The following IMMP2L variants were observed in gnomAD, a reference collection of about 807,000 sequenced individuals.
The protein encoded by IMMP2L is inner mitochondrial membrane peptidase subunit 2, also known as mitochondrial inner membrane protease subunit 2.
IMMP2L carries 18 observed loss-of-function variants against 19.3 expected under a neutral mutation model. The ratio of observed to expected loss-of-function variants is 0.93; its 90% CI spans 0.64 to 1.38. IMMP2L has a LOEUF of 1.38. Ranked by LOEUF, IMMP2L falls within the 40% of genes most tolerant of loss-of-function variation. The probability of loss-of-function intolerance (pLI) is 0.00; values close to 1 mark genes in which losing one functional copy is unlikely to be tolerated. For missense variants in IMMP2L, 233 were observed against 218.2 expected, an observed-to-expected ratio of 1.07 and a Z score of -0.43; for synonymous variants, 76 against 73.0, an observed-to-expected ratio of 1.04 and a Z score of -0.21.
chr7:110,948,139 T>C (rs1221113167), intron 4 of IMMP2L, among the ~76,000 whole-genome samples: 4 of 152,220 alleles, frequency 2.6e-5, no homozygotes, highest in Non-Finnish European at 5.9e-5. Context: ...CCATTCAGAC[T>C]CTCATGCAAG....
At chr7:111,095,144 A>C (rs978530146) in intron 3 of IMMP2L, among the ~76,000 whole-genome samples, 21 of 152,160 alleles carry the variant, frequency 1.4e-4, no homozygotes, top group African/African-American at 4.1e-4. Flanking sequence ...GAGACGGGGA[A>C]TAAAGAGGGG....
At chr7:110,776,291 A>C (rs1014342440) in intron 5 of IMMP2L, among the ~76,000 whole-genome samples, 1 of 152,062 alleles carries the variant, frequency 6.6e-6, no homozygotes, top group Non-Finnish European at 1.5e-5. Flanking sequence ...AATTCGCGTA[A>C]GTAATGTTAA....
chr7:111,392,434 T>C (rs781490042), intron 3 of IMMP2L, among the ~76,000 whole-genome samples: 35 of 152,152 alleles, frequency 2.3e-4, no homozygotes, highest in Non-Finnish European at 3.7e-4. Flanking sequence ...CTGAACACAC[T>C]TCCCATCAAC....
At chr7:111,418,542 T>C (rs1193042177) in intron 3 of IMMP2L, among the ~76,000 whole-genome samples, 1 of 151,790 alleles carries the variant, frequency 6.6e-6, no homozygotes, top group African/African-American at 2.4e-5. Context: ...CACACCTCAC[T>C]AGCACTAATA....
chr7:110,861,258 A>G (rs557638188), intron 5 of IMMP2L, among the ~76,000 whole-genome samples: 44 of 152,208 alleles, frequency 2.9e-4, no homozygotes, highest in Non-Finnish European at 5.6e-4. Context: ...TTCCATTAAT[A>G]TAATGCTTTT....
chr7:110,690,306 T>G (rs557042040), intron 5 of IMMP2L, among the ~76,000 whole-genome samples: 71 of 152,326 alleles, frequency 4.7e-4, no homozygotes, highest in African/African-American at 1.6e-3. Flanking sequence ...TTGTATTTTG[T>G]TCAGCATTTT....
rs1819124237 is a variant in IMMP2L, at chr7:110,962,962, T to C, written c.305+538A>G. ...CAATTGTTCTTGATTTATCAGCAAGTACAATAAATACGACATTACTAAAGG... is the reference window on the plus strand; with the variant it reads ...CAATTGTTCTTGATTTATCAGCAAGCACAATAAATACGACATTACTAAAGG... On this transcript the variant is annotated intron_variant, in intron 4 of 5. Transcript: ENST00000405709. The C allele has an allele frequency of 3.4e-6, 5 of 1,455,788 alleles. No homozygotes were observed. In the East Asian group the frequency reaches 1.0e-4, roughly 29 times the overall value. 90.2% of individuals were successfully genotyped at this position (1,455,788 alleles called of 1,614,324 possible).
intron 3 of IMMP2L, among the ~76,000 whole-genome samples, chr7:111,259,109 G>T (rs1457047360): frequency 6.6e-6 from 1 of 152,066 alleles, no homozygotes; most frequent in Non-Finnish European, 1.5e-5. Flanking sequence ...TATCTAACAT[G>T]TCTAAACATA....
intron 4 of IMMP2L, among the ~76,000 whole-genome samples, chr7:110,929,140 A>C (rs1815199396): frequency 6.6e-6 from 1 of 152,124 alleles, no homozygotes; most frequent in Non-Finnish European, 1.5e-5. Context: ...TAAAGATGAG[A>C]CTTAAGTGTA....
intron 2 of IMMP2L, among the ~76,000 whole-genome samples, chr7:111,493,214 T>C (rs1254384839): frequency 1.3e-5 from 2 of 152,174 alleles, no homozygotes; most frequent in East Asian, 1.9e-4. Context: ...AATAGTTGAA[T>C]AGGGCTTTGT....
In IMMP2L at chr7:110,758,972, T is replaced by G. The variant is rs1429849824; in HGVS notation, c.409-95251A>C. Among the ~76,000 whole-genome samples the G allele has an allele frequency of 6.6e-6, 1 of 151,436 alleles. No individual in the cohort carries two copies. Among genetic ancestry groups the G allele is most frequent in the African/African-American group, 2.4e-5 (1 of 41,162 alleles). On this transcript the variant is annotated intron_variant, in intron 5 of 5. Coordinates refer to ENST00000405709, the MANE Select transcript of IMMP2L (RefSeq NM_032549.4). This position sits in a 1 kb window ranked among gnomAD's most constrained non-coding sequence, Gnocchi z 4.6. ...ATCTTTTCACAGTCTGTTACCCGAT[T>G]TTGTTAACCTTAAATTTCCTCCAGA...
chr7:110,762,477 A>T (rs909631275), intron 5 of IMMP2L, among the ~76,000 whole-genome samples: 1 of 152,116 alleles, frequency 6.6e-6, no homozygotes, highest in Admixed American at 6.6e-5. Context: ...AGAGCTTATC[A>T]CATTGCCTGA....
At chr7:110,842,437 T>C (rs1390220362) in intron 5 of IMMP2L, among the ~76,000 whole-genome samples, 2 of 152,112 alleles carry the variant, frequency 1.3e-5, no homozygotes, top group African/African-American at 2.4e-5. Flanking sequence ...GATTGCACCG[T>C]GGAAGTGATA....
intron 3 of IMMP2L, among the ~76,000 whole-genome samples, chr7:111,347,043 A>C (rs1326238733): frequency 6.6e-6 from 1 of 152,134 alleles, no homozygotes; most frequent in African/African-American, 2.4e-5. Flanking sequence ...AAGGAGAAGA[A>C]GGAAAAAAAA....
intron 5 of IMMP2L, among the ~76,000 whole-genome samples, chr7:110,694,693 T>C (rs1793750015): frequency 6.6e-6 from 1 of 152,058 alleles, no homozygotes; most frequent in African/African-American, 2.4e-5. Flanking sequence ...AAGTTAAACA[T>C]AGAATTTATA....
At chr7:111,383,998 G>C (rs1163459573) in intron 3 of IMMP2L, among the ~76,000 whole-genome samples, 1 of 152,006 alleles carries the variant, frequency 6.6e-6, no homozygotes, top group Non-Finnish European at 1.5e-5. Context: ...GTATCTCCCA[G>C]CCAGGTGAGG....
intron 4 of IMMP2L, among the ~76,000 whole-genome samples, chr7:110,929,371 G>T (rs1815222937): frequency 6.6e-6 from 1 of 152,108 alleles, no homozygotes; most frequent in Non-Finnish European, 1.5e-5. Context: ...GTTTGAGAAA[G>T]TAAGGTCTCC....
chr7:111,289,276 G>C (rs551291763), intron 3 of IMMP2L, among the ~76,000 whole-genome samples: 2 of 152,016 alleles, frequency 1.3e-5, no homozygotes, highest in Non-Finnish European at 1.5e-5. Context: ...CAGGGGGTTG[G>C]GGGGCTAGGG....
At chr7:111,481,475 G>A (rs900073197) in intron 3 of IMMP2L, among the ~76,000 whole-genome samples, 5 of 151,976 alleles carry the variant, frequency 3.3e-5, no homozygotes, top group Admixed American at 6.6e-5. Flanking sequence ...CTATAAAACC[G>A]GGGATAACAA....
Sources: gnomAD v4.1 joint callset for allele counts (sites outside exome capture counted in the v4.1 genomes callset) on GRCh38, gnomAD v4.1.1 for gene constraint, Gnocchi (gnomAD v3.1) non-coding constraint, MANE v1.5 for transcripts, NCBI Gene and HGNC (gene_info 2026-07-23, HGNC 2026-07-21) for gene names.